Variants in USP49 observed in about 807,000 individuals in gnomAD.
USP49 encodes the protein ubiquitin specific peptidase 49, also known as ubiquitin carboxyl-terminal hydrolase 49.
In USP49, 24 loss-of-function variants were observed where a neutral mutation model predicts 58.6. That is an observed-to-expected ratio of 0.41 (90% confidence interval 0.30 to 0.58). USP49 has a LOEUF of 0.58. Ranked by LOEUF, USP49 falls within the 20% of genes least tolerant of loss-of-function variation. The pLI, the probability that USP49 is intolerant of heterozygous loss-of-function variation, is 0.30. For synonymous variants in USP49, 408 were observed against 365.1 expected, an observed-to-expected ratio of 1.12 and a Z score of -1.34; for missense variants, 703 against 866.1, an observed-to-expected ratio of 0.81 and a Z score of 2.36.
At chr6:41,875,084 A>G (rs1774480845) in intron 2 of USP49, among the ~76,000 whole-genome samples, 1 of 152,194 alleles carries the variant, frequency 6.6e-6, no homozygotes, top group Admixed American at 6.5e-5. Context: ...GCTCCCTAAT[A>G]TTAATGTAGT....
intron 5 of USP49, among the ~76,000 whole-genome samples, chr6:41,802,451 T>C (rs551471428): frequency 1.4e-4 from 12 of 88,432 alleles, no homozygotes; most frequent in African/African-American, 6.0e-4. Flanking sequence ...TTTATTTATT[T>C]ATTTATTTAT....
intron 2 of USP49, among the ~76,000 whole-genome samples, chr6:41,872,409 G>C (rs1195749443): frequency 6.6e-6 from 1 of 152,126 alleles, no homozygotes; most frequent in African/African-American, 2.4e-5. Context: ...GAGCCCCTCT[G>C]CCTGGCCGCC....
chr6:41,839,301 G>C (rs1245282566), intron 3 of USP49, among the ~76,000 whole-genome samples: 3 of 150,900 alleles, frequency 2.0e-5, no homozygotes, highest in Non-Finnish European at 4.4e-5. Flanking sequence ...AGCCACTTGG[G>C]AGGCTGAGGT....
chr6:41,843,309 A>G lies in USP49; in HGVS notation c.-29+28255T>C, dbSNP rs542837826. Among the ~76,000 whole-genome samples the G allele has an allele frequency of 9.2e-5, 14 of 152,346 alleles. No individual in the cohort carries two copies. In the East Asian group the frequency reaches 2.7e-3, roughly 29 times the overall value. On this transcript the variant is annotated intron_variant, in intron 3 of 7. Transcript: ENST00000682992. Reference sequence around the variant, plus strand: ...ATCATTTCCAGTACTAAAAGTATAAATTAAATTATATACTTTTACGGAGTT... The same window carrying G: ...ATCATTTCCAGTACTAAAAGTATAAGTTAAATTATATACTTTTACGGAGTT...
intron 3 of USP49, among the ~76,000 whole-genome samples, chr6:41,809,435 G>A (rs1773204865): frequency 6.6e-6 from 1 of 151,900 alleles, no homozygotes; most frequent in Admixed American, 6.6e-5. Flanking sequence ...TGAGGCAGGC[G>A]AATCGCTAGA....
At chr6:41,802,456 A>ATTTT (rs1186521851) in intron 5 of USP49, among the ~76,000 whole-genome samples, 10 of 70,272 alleles carry the variant, frequency 1.4e-4, no homozygotes, top group African/African-American at 4.1e-4. Context: ...TTATTTATTT[A>ATTTT]TTTATTTATT....
intron 2 of USP49, among the ~76,000 whole-genome samples, chr6:41,891,422 CATCACCTGTAAA>C (rs1257263462): frequency 6.6e-6 from 1 of 152,192 alleles, no homozygotes; most frequent in Non-Finnish European, 1.5e-5. Flanking sequence ...CCCTCTATTT[CATCACCTGTAAA>C]ATGAGAATAG....
chr6:41,814,435 T>C (rs1358919307), intron 3 of USP49, among the ~76,000 whole-genome samples: 2 of 152,202 alleles, frequency 1.3e-5, no homozygotes, highest in African/African-American at 4.8e-5. Context: ...CATATAATTT[T>C]TTAAAAAACT....
At chr6:41,875,321 T>C (rs550212402) in intron 2 of USP49, among the ~76,000 whole-genome samples, 1 of 152,314 alleles carries the variant, frequency 6.6e-6, no homozygotes, top group Non-Finnish European at 1.5e-5. Context: ...CAAGATTATA[T>C]CTTTTTCAGC....
intron 3 of USP49, among the ~76,000 whole-genome samples, chr6:41,817,295 ACAC>A (rs1773372176): frequency 7.7e-6 from 1 of 129,108 alleles, no homozygotes; most frequent in African/African-American, 2.9e-5. Flanking sequence ...CTACAGGCAC[ACAC>A]CACCATGCCC....
Position 41,794,844 on chromosome 6 carries a change from T to C in USP49, c.*1689A>G, listed in dbSNP as rs928154171. On this transcript the variant is annotated 3_prime_UTR_variant, in exon 8 of 8. Coordinates refer to ENST00000682992, the MANE Select transcript of USP49 (RefSeq NM_001286554.2). ...GAAAAAGCAAGTTTAATTTAAAATA[T>C]AGTCACTCCTTCCCTATCAGGGTGA... 1 of 152,242 alleles carries C rather than the reference T, an allele frequency of 6.6e-6. No homozygotes were observed. Among genetic ancestry groups the C allele is most frequent in the Non-Finnish European group, 1.5e-5 (1 of 68,036 alleles). 9.4% of individuals were successfully genotyped at this position (152,242 alleles called of 1,614,324 possible). A position where few individuals can be genotyped will look rare whatever the true frequency, so the allele number is the denominator to read the frequency against.
At position 41,802,466 on chromosome 6, in the gene USP49, TTATTTTTTA is replaced by T. The variant is rs1419702652; in HGVS notation, c.1561+1331_1561+1339del. 4.7e-5 allele frequency among the ~76,000 whole-genome samples: 4 copies of T among 84,376 alleles called. 1 individual carries two copies. The highest frequency in any genetic ancestry group is 2.1e-4 in the African/African-American group (4 of 19,004). The allele number at this position is 84,376 out of a possible 152,430, so 55.4% of individuals were successfully genotyped here. On this transcript the variant is annotated intron_variant, in intron 5 of 7. Transcript: ENST00000682992. ...TTTATTTATTTATTTATTTATTTAT[TTATTTTTTA>T]TTTATTTTTTTTTTTTGAGACAGCA...
At chr6:41,813,580 C>T (rs921502548) in intron 3 of USP49, among the ~76,000 whole-genome samples, 1 of 152,196 alleles carries the variant, frequency 6.6e-6, no homozygotes, top group Non-Finnish European at 1.5e-5. Flanking sequence ...CTTCTGATTT[C>T]ATTTTCTGAT....
chr6:41,875,377 T>G (rs1028395675), intron 2 of USP49, among the ~76,000 whole-genome samples: 1 of 152,216 alleles, frequency 6.6e-6, no homozygotes, highest in African/African-American at 2.4e-5. Context: ...ATTTATTAAC[T>G]TATGCTGTAT....
intron 3 of USP49, among the ~76,000 whole-genome samples, chr6:41,814,725 A>G (rs925275489): frequency 1.3e-5 from 2 of 152,204 alleles, no homozygotes; most frequent in African/African-American, 4.8e-5. Flanking sequence ...TCAGTTGTTA[A>G]CTAAGGACCG....
chr6:41,792,495 T>C lies in USP49; in HGVS notation c.*4038A>G, dbSNP rs1449224232. On this transcript the variant is annotated 3_prime_UTR_variant, in exon 8 of 8. Transcript: ENST00000682992. ...TCCACTCACAAGAGGTAACCTCAGA[T>C]AGGGATATAGTATTCATTTAAGAAG... The C allele has an allele frequency of 6.7e-6, 1 of 150,128 alleles. No homozygotes were observed. Among genetic ancestry groups the C allele is most frequent in the African/African-American group, 2.5e-5 (1 of 40,694 alleles). The allele number at this position is 150,128 out of a possible 1,614,324, so 9.3% of individuals were successfully genotyped here.
intron 2 of USP49, among the ~76,000 whole-genome samples, chr6:41,877,635 T>C (rs905034304): frequency 7.3e-5 from 11 of 151,240 alleles, no homozygotes; most frequent in Non-Finnish European, 1.2e-4. Context: ...TGATCTTAGC[T>C]CACTGCAACC....
chr6:41,829,538 C>T (rs1773600466), intron 3 of USP49, among the ~76,000 whole-genome samples: 1 of 152,192 alleles, frequency 6.6e-6, no homozygotes, highest in Admixed American at 6.6e-5. Flanking sequence ...GTCTTGAACT[C>T]CTGACCTCAG....
At chr6:41,893,536 G>A (rs1002298668) in intron 1 of USP49, among the ~76,000 whole-genome samples, 1 of 152,108 alleles carries the variant, frequency 6.6e-6, no homozygotes, top group Admixed American at 6.5e-5. Context: ...CACTTGTCAG[G>A]TGCAACACTC....
Sources: allele counts gnomAD v4.1 joint callset (sites outside exome capture counted in the v4.1 genomes callset), GRCh38; gene constraint gnomAD v4.1.1; transcripts MANE v1.5; gene names NCBI Gene and HGNC (gene_info 2026-07-23, HGNC 2026-07-21).